Variants in RSPRY1 observed in about 807,000 individuals in gnomAD.
The protein encoded by RSPRY1 is ring finger and SPRY domain containing 1.
Under a neutral mutation model 73.1 loss-of-function variants are expected in RSPRY1, and 23 were observed. The observed-to-expected ratio is 0.31, with a 90% confidence interval of 0.23 to 0.45. The LOEUF (loss-of-function observed/expected upper bound fraction) is 0.45. Among genes scored for constraint, RSPRY1 ranks in the 20% least tolerant of loss-of-function variants. The pLI is 1.00. For synonymous variants in RSPRY1, 226 were observed against 251.4 expected (o/e 0.90, Z 0.95); for missense variants, 448 against 698.7 (o/e 0.64, Z 4.05).
intron 14 of RSPRY1, among the ~76,000 whole-genome samples, chr16:57,238,204 C>G (rs1475012952): frequency 6.6e-6 from 1 of 152,154 alleles, no homozygotes; most frequent in Non-Finnish European, 1.5e-5. Context: ...AAATGAGTCT[C>G]TTCTTGGATA....
chr16:57,222,651 C>G (rs1260877384), intron 10 of RSPRY1, among the ~76,000 whole-genome samples: 2 of 152,190 alleles, frequency 1.3e-5, no homozygotes, highest in Non-Finnish European at 2.9e-5. Context: ...GGAAGAAACT[C>G]ATACCAGAAT....
intron 1 of RSPRY1, among the ~76,000 whole-genome samples, chr16:57,195,430 T>G (rs1275451967): frequency 3.9e-5 from 6 of 152,098 alleles, no homozygotes; most frequent in Non-Finnish European, 5.9e-5. Flanking sequence ...GAGAATCGCC[T>G]GAACCGGGGA....
In RSPRY1 at chr16:57,206,103, C is replaced by T. The variant is rs1385627435; in HGVS notation, c.350+1095C>T. On this transcript the variant is annotated intron_variant, in intron 2 of 14. Transcript: ENST00000394420. The stretch of plus-strand genomic sequence containing the variant: ...AAATACTGGAGCATTTGTTAGTCTT[C>T]GAGAAGAATAATTTTTTGGCCAGAC... 4.6e-5 allele frequency among the ~76,000 whole-genome samples: 7 copies of T among 152,164 alleles called. No homozygotes were observed. In the East Asian group the frequency reaches 9.6e-4, roughly 21 times the overall value.
chr16:57,214,902 G>A (rs558592973), intron 6 of RSPRY1, among the ~76,000 whole-genome samples: 10 of 152,298 alleles, frequency 6.6e-5, no homozygotes, highest in Admixed American at 5.9e-4. Context: ...GGTGGCATGT[G>A]TGTGTAGTCC....
At chr16:57,200,932 G>T (rs1459681139) in intron 1 of RSPRY1, among the ~76,000 whole-genome samples, 16 of 105,070 alleles carry the variant, frequency 1.5e-4, no homozygotes, top group African/African-American at 5.6e-4. Flanking sequence ...TCACCTCCCA[G>T]ACGGGGCGGC....
intron 1 of RSPRY1, among the ~76,000 whole-genome samples, chr16:57,202,090 A>G (rs1372428892): frequency 6.6e-6 from 1 of 152,202 alleles, no homozygotes; most frequent in African/African-American, 2.4e-5. Flanking sequence ...GGAGGCCAAG[A>G]TGAGAGGATT....
Position 57,200,665 on chromosome 16 carries a change from A to G in RSPRY1, c.-155-3839A>G, listed in dbSNP as rs1324541878. On this transcript the variant is annotated intron_variant, in intron 1 of 14. Transcript: ENST00000394420. Reference sequence around the variant, plus strand: ...GGGCGGCTGGCCGGGCGGGGGGCTGACCCCCCCACCTCCCTCCCGGACGGG... The same window carrying G: ...GGGCGGCTGGCCGGGCGGGGGGCTGGCCCCCCCACCTCCCTCCCGGACGGG... Among the ~76,000 whole-genome samples the G allele has an allele frequency of 8.5e-3, 219 of 25,834 alleles. 5 individuals are homozygous for G. Among genetic ancestry groups the G allele is most frequent in the African/African-American group, 0.033 (205 of 6,124 alleles). 16.9% of individuals were successfully genotyped at this position (25,834 alleles called of 152,430 possible).
chr16:57,226,411 G>A (rs1428294772), intron 10 of RSPRY1, among the ~76,000 whole-genome samples: 4 of 152,178 alleles, frequency 2.6e-5, no homozygotes, highest in East Asian at 1.9e-4. Flanking sequence ...GAGCAGTGGC[G>A]TGGGCTGCTC....
intron 11 of RSPRY1, among the ~76,000 whole-genome samples, chr16:57,228,044 C>A (rs1241302354): frequency 6.6e-6 from 1 of 152,042 alleles, no homozygotes; most frequent in Non-Finnish European, 1.5e-5. Context: ...TAGGCTGAGG[C>A]AGGTGGATTG....
rs573103823 is a variant in RSPRY1, at chr16:57,187,365, C to A, written c.-156+914C>A. 1.5e-4 allele frequency among the ~76,000 whole-genome samples: 23 copies of A among 152,248 alleles called. No individual in the cohort carries two copies. In the South Asian group the frequency reaches 3.5e-3, roughly 23 times the overall value. On this transcript the variant is annotated intron_variant, in intron 1 of 14. Coordinates refer to ENST00000394420, the MANE Select transcript of RSPRY1 (RefSeq NM_133368.3). ...AGGCGGTCGGCTGAGACTCCGAGGT[C>A]CTGTCTTGTATAGTTCTCTGAGAGA...
intron 1 of RSPRY1, among the ~76,000 whole-genome samples, chr16:57,203,991 C>T (rs2074675452): frequency 6.6e-6 from 1 of 152,122 alleles, no homozygotes; most frequent in African/African-American, 2.4e-5. Flanking sequence ...TCAAATGGTG[C>T]TATCATATTT....
At chr16:57,196,435 A>G (rs535789567) in intron 1 of RSPRY1, among the ~76,000 whole-genome samples, 1 of 152,128 alleles carries the variant, frequency 6.6e-6, no homozygotes, top group Admixed American at 6.6e-5. Flanking sequence ...GTTCTGTGGT[A>G]GGTTCTATAC....
intron 4 of RSPRY1, 133 bp from the exon 5 acceptor site, chr16:57,212,839 T>C: frequency 1.2e-6 from 1 of 812,630 alleles, no homozygotes; most frequent in Non-Finnish European, 1.9e-6. Context: ...GGTGTCGAAC[T>C]CTTGACCTTG....
chr16:57,197,201 C>T (rs1227349947), intron 1 of RSPRY1, among the ~76,000 whole-genome samples: 2 of 152,118 alleles, frequency 1.3e-5, no homozygotes, highest in African/African-American at 4.8e-5. Flanking sequence ...CTTTTGCCTG[C>T]AGTCCATCAC....
At chr16:57,232,749 T>G (rs1478804194) in intron 13 of RSPRY1, among the ~76,000 whole-genome samples, 3 of 152,200 alleles carry the variant, frequency 2.0e-5, no homozygotes, top group Non-Finnish European at 4.4e-5. Context: ...GAAAGTCTCA[T>G]TTTATGGGCA....
intron 11 of RSPRY1, among the ~76,000 whole-genome samples, chr16:57,228,654 C>T (rs1243347257): frequency 1.3e-5 from 2 of 151,738 alleles, no homozygotes; most frequent in Admixed American, 6.6e-5. Flanking sequence ...TACTTAATAC[C>T]TTGAACAGCT....
chr16:57,217,526 T>C (rs1328284074), intron 8 of RSPRY1, among the ~76,000 whole-genome samples: 1 of 152,210 alleles, frequency 6.6e-6, no homozygotes, highest in East Asian at 1.9e-4. Context: ...GGACAAAAAC[T>C]ACTATAGGTT....
intron 7 of RSPRY1, chr16:57,216,435 G>GA (rs2074941460): frequency 4.6e-6 from 2 of 431,868 alleles, no homozygotes; most frequent in Admixed American, 8.1e-5. Flanking sequence ...CTAGTTTCTA[G>GA]AAAAAAGTAT....
At chr16:57,213,692 T>A (rs1479795349) in intron 5 of RSPRY1, among the ~76,000 whole-genome samples, 196 bp from the exon 6 acceptor site, 1 of 152,258 alleles carries the variant, frequency 6.6e-6, no homozygotes, top group Non-Finnish European at 1.5e-5. Flanking sequence ...CCAAGTGCCC[T>A]GGAGTTAGTT....
Sources: allele counts gnomAD v4.1 joint callset (sites outside exome capture counted in the v4.1 genomes callset), GRCh38; gene constraint gnomAD v4.1.1; transcripts MANE v1.5; gene names NCBI Gene and HGNC (gene_info 2026-07-23, HGNC 2026-07-21).